The following LYZL4 variants were observed in gnomAD, a reference collection of about 807,000 sequenced individuals.
LYZL4 encodes lysozyme-like protein 4.
LYZL4 carries 13 observed loss-of-function variants against 17.6 expected under a neutral mutation model. The ratio of observed to expected loss-of-function variants is 0.74; its 90% confidence interval spans 0.48 to 1.18. LYZL4 has a LOEUF of 1.18. Ranked by LOEUF, LYZL4 falls within the 50% of genes most tolerant of loss-of-function variation. The probability of loss-of-function intolerance (pLI) is 0.00; values close to 1 mark genes in which losing one functional copy is unlikely to be tolerated. For synonymous variants in LYZL4, 64 were observed against 67.7 expected, an observed-to-expected ratio of 0.95 and a Z score of 0.27; for missense variants, 174 against 188.2, an observed-to-expected ratio of 0.92 and a Z score of 0.44.
At chr3:42,360,807 TC>T in the LYZL4 span, among the ~76,000 whole-genome samples, 1 of 152,140 alleles carries the variant, frequency 6.6e-6, no homozygotes, top group Non-Finnish European at 1.5e-5. Context: ...GGAATATTTT[TC>T]ACAGAGGACT....
At chr3:42,374,331 T>G in the LYZL4 span, among the ~76,000 whole-genome samples, 1 of 152,238 alleles carries the variant, frequency 6.6e-6, no homozygotes, top group Admixed American at 6.5e-5. Context: ...TTTAAATTAT[T>G]CACTCCAAGT....
the LYZL4 span, among the ~76,000 whole-genome samples, chr3:42,374,075 A>G: frequency 6.6e-6 from 1 of 152,188 alleles, no homozygotes; most frequent in East Asian, 1.9e-4. Flanking sequence ...ATTTACTGAT[A>G]ATAGTTATCA....
At chr3:42,380,721 T>C in the LYZL4 span, among the ~76,000 whole-genome samples, 2 of 152,172 alleles carry the variant, frequency 1.3e-5, no homozygotes, top group African/African-American at 2.4e-5. Flanking sequence ...TTACAGGATT[T>C]CTTCTTATTG....
At chr3:42,368,386 T>A in the LYZL4 span, among the ~76,000 whole-genome samples, 8 of 152,192 alleles carry the variant, frequency 5.3e-5, no homozygotes, top group Non-Finnish European at 1.0e-4. Context: ...GCTGAGATAC[T>A]AAAGTTTCCA....
the LYZL4 span, among the ~76,000 whole-genome samples, chr3:42,368,563 T>C: frequency 6.6e-6 from 1 of 152,256 alleles, no homozygotes; most frequent in Non-Finnish European, 1.5e-5. Context: ...AAGTGATTTC[T>C]TTTTATTTAG....
the LYZL4 span, among the ~76,000 whole-genome samples, chr3:42,381,302 A>C: frequency 9.6e-6 from 1 of 104,614 alleles, no homozygotes; most frequent in African/African-American, 2.7e-5. Flanking sequence ...ACCTGCATGA[A>C]ATTTTGAATT....
At chr3:42,362,906 C>T in the LYZL4 span, among the ~76,000 whole-genome samples, 1 of 152,140 alleles carries the variant, frequency 6.6e-6, no homozygotes, top group Non-Finnish European at 1.5e-5. Flanking sequence ...CATCCTTTAC[C>T]ATGGGAAAAC....
chr3:42,385,005 T>C, the LYZL4 span, among the ~76,000 whole-genome samples: 1 of 152,192 alleles, frequency 6.6e-6, no homozygotes, highest in Non-Finnish European at 1.5e-5. Context: ...AGTGTTGATC[T>C]TCACGACAAA....
At chr3:42,384,327 A>G in the LYZL4 span, among the ~76,000 whole-genome samples, 9 of 152,310 alleles carry the variant, frequency 5.9e-5, no homozygotes, top group African/African-American at 2.2e-4. Context: ...GCGAATTTCA[A>G]TAAAACAAGG....
At chr3:42,392,591 G>A (rs1277351610), downstream of LYZL4, among the ~76,000 whole-genome samples, 1 of 152,210 alleles carries the variant, frequency 6.6e-6, no homozygotes, top group East Asian at 1.9e-4. Context: ...AACCAGGATT[G>A]GGCAGCCAGG....
downstream of LYZL4, among the ~76,000 whole-genome samples, chr3:42,393,848 G>A (rs776152988): frequency 4.6e-5 from 7 of 152,202 alleles, no homozygotes; most frequent in Non-Finnish European, 1.0e-4. Flanking sequence ...CTGGAGCGCA[G>A]TGGCGTGATC....
chr3:42,408,681 C>T (rs1389726832), intron 1 of LYZL4, among the ~76,000 whole-genome samples: 2 of 152,164 alleles, frequency 1.3e-5, no homozygotes, highest in African/African-American at 4.8e-5. Flanking sequence ...AGCACTCCAT[C>T]GTTATATATC....
the LYZL4 span, among the ~76,000 whole-genome samples, chr3:42,381,748 A>AT: frequency 6.6e-6 from 1 of 152,228 alleles, no homozygotes; most frequent in African/African-American, 2.4e-5. Flanking sequence ...AGATCACTGT[A>AT]AAATATAAAA....
intron 2 of LYZL4, 46 bp from the exon 3 acceptor site, chr3:42,407,044 G>C: frequency 1.2e-6 from 2 of 1,613,876 alleles, no homozygotes; most frequent in East Asian, 4.5e-5. Context: ...AGCTGGAGTT[G>C]GGGATGCTTG....
chr3:42,379,793 G>A, the LYZL4 span, among the ~76,000 whole-genome samples: 1 of 152,164 alleles, frequency 6.6e-6, no homozygotes, highest in African/African-American at 2.4e-5. Flanking sequence ...AAACTCATAT[G>A]TTGAAATCCT....
At chr3:42,396,591 C>T (rs116023100), downstream of LYZL4, among the ~76,000 whole-genome samples, 720 of 152,252 alleles carry the variant, frequency 4.7e-3, 5 homozygotes, top group African/African-American at 0.016. Context: ...AAAACCTATA[C>T]AGAAAAAAGA....
At chr3:42,383,444 A>G in the LYZL4 span, among the ~76,000 whole-genome samples, 1 of 151,114 alleles carries the variant, frequency 6.6e-6, no homozygotes, top group African/African-American at 2.4e-5. Context: ...TCCACCAAAA[A>G]AAAAAAAAAA....
At chr3:42,362,571 C>T in the LYZL4 span, among the ~76,000 whole-genome samples, 2 of 152,196 alleles carry the variant, frequency 1.3e-5, no homozygotes, top group African/African-American at 4.8e-5. Context: ...AACCTTCTAG[C>T]TGTGTCCTCA....
At chr3:42,400,930 A>G (rs1448622259) in intron 4 of LYZL4, among the ~76,000 whole-genome samples, 2 of 152,182 alleles carry the variant, frequency 1.3e-5, no homozygotes. Context: ...GGTTCAGCAT[A>G]TCAGAAAGAC....
Sources: gnomAD v4.1 joint callset for allele counts (sites outside exome capture counted in the v4.1 genomes callset) on GRCh38, gnomAD v4.1.1 for gene constraint, MANE v1.5 for transcripts, NCBI Gene and HGNC (gene_info 2026-07-23, HGNC 2026-07-21) for gene names.